Variants in COL21A1 observed in about 807,000 individuals in gnomAD.
The protein encoded by COL21A1 is collagen alpha-1(XXI) chain.
COL21A1 carries 149 observed loss-of-function variants against 137.9 expected under a neutral mutation model. That is an observed-to-expected ratio of 1.08 (90% CI 0.95 to 1.24). The LOEUF is 1.24. Among genes scored for constraint, COL21A1 ranks in the 50% most tolerant of loss-of-function variants. COL21A1 has a pLI of 0.00. For missense variants in COL21A1, 1,167 were observed against 1,158.4 expected, an observed-to-expected ratio of 1.01 and a Z score of -0.11; for synonymous variants, 456 against 391.5, an observed-to-expected ratio of 1.16 and a Z score of -1.95.
chr6:56,121,510 GTGTATATATATATACATATACATA>G (rs1772509980), intron 16 of COL21A1, among the ~76,000 whole-genome samples: 1 of 115,336 alleles, frequency 8.7e-6, no homozygotes, highest in Non-Finnish European at 1.8e-5. Context: ...ATATTCATAT[GTGTATATATATATACATATACATA>G]TATATGTATA....
chr6:56,276,061 C>T (rs2152333183), intron 1 of COL21A1, among the ~76,000 whole-genome samples: 1 of 152,220 alleles, frequency 6.6e-6, no homozygotes, highest in African/African-American at 2.4e-5. Flanking sequence ...GTGAAATGTC[C>T]TTTCCAGCAA....
intron 20 of COL21A1, 145 bp from the exon 21 acceptor site, chr6:56,070,943 A>G (rs1160489069): frequency 1.6e-6 from 1 of 634,872 alleles, no homozygotes. Context: ...CATTAGACCT[A>G]TGTATTAAGA....
intron 1 of COL21A1, among the ~76,000 whole-genome samples, chr6:56,217,548 C>T (rs908556847): frequency 6.6e-6 from 1 of 152,040 alleles, no homozygotes; most frequent in Admixed American, 6.6e-5. Flanking sequence ...AACCCAATTT[C>T]ATTGTTTAGC....
intron 10 of COL21A1, among the ~76,000 whole-genome samples, chr6:56,152,562 G>A (rs908073515): frequency 3.9e-5 from 6 of 152,108 alleles, no homozygotes; most frequent in African/African-American, 4.8e-5. Flanking sequence ...TGTACTAAAT[G>A]AGATGAGGCA....
chr6:56,156,926 G>T lies in COL21A1; in HGVS notation c.1395C>A (p.Asn465Lys). The T allele has an allele frequency of 1.2e-6, 2 of 1,612,092 alleles. No individual in the cohort carries two copies. The highest frequency in any genetic ancestry group is 1.7e-6 in the Non-Finnish European group (2 of 1,179,190). ...GPKGDPGLPG[N>K]PGYPGQPGQD... Reference sequence around the variant, plus strand: ...GACCAGGTTGTCCAGGGTAGCCAGGGTTCCCAGGCAGTCCAGGGTCACCCT... The same window carrying T: ...GACCAGGTTGTCCAGGGTAGCCAGGTTTCCCAGGCAGTCCAGGGTCACCCT... Residue 465 changes from asparagine (N) to lysine (K), a missense_variant, in exon 10 of 30, where the codon AAC becomes AAA. Asn to Lys is a moderately conservative substitution (Grantham distance 94, BLOSUM62 0). Coordinates refer to ENST00000244728, the MANE Select transcript of COL21A1 (RefSeq NM_030820.4).
In COL21A1 at chr6:56,179,618, T is replaced by G. The variant is rs550303110; in HGVS notation, c.600A>C (p.Ile200=). The part of the protein sequence containing the change: ...YVFYVEDYIA[I]SKIREVMKQK... The stretch of plus-strand genomic sequence containing the variant: ...GCTTCATCACTTCCCTTATTTTGGA[T>G]ATTGCAATATAGTCTTCCACATAAA... Residue 200 remains isoleucine, a synonymous_variant, in exon 3 of 30, where the codon ATA becomes ATC. Transcript: ENST00000244728. The G allele has an allele frequency of 6.2e-7, 1 of 1,613,526 alleles. No homozygotes were observed. The highest frequency in any genetic ancestry group is 1.1e-5 in the South Asian group (1 of 91,004).
At chr6:56,203,352 C>A (rs1779531777) in intron 1 of COL21A1, among the ~76,000 whole-genome samples, 2 of 151,982 alleles carry the variant, frequency 1.3e-5, no homozygotes, top group African/African-American at 2.4e-5. Flanking sequence ...ATGGCATAGA[C>A]AAAAGAGGAG....
chr6:56,153,630 G>A (rs2152253580), intron 10 of COL21A1, among the ~76,000 whole-genome samples: 1 of 151,184 alleles, frequency 6.6e-6, no homozygotes, highest in African/African-American at 2.4e-5. Context: ...TCAATCTGTT[G>A]TTTGTACTAC....
chr6:56,295,662 G>A (rs751804868), intron 1 of COL21A1, among the ~76,000 whole-genome samples: 75 of 151,746 alleles, frequency 4.9e-4, no homozygotes, highest in Non-Finnish European at 1.0e-3. Flanking sequence ...GACATATTCT[G>A]TAAAATTTAT....
intron 11 of COL21A1, 21 bp downstream of exon 11, chr6:56,141,909 G>T: frequency 6.4e-7 from 1 of 1,567,034 alleles, no homozygotes; most frequent in Non-Finnish European, 8.7e-7. Flanking sequence ...TTTATAAAAT[G>T]TATATAAGTG....
At chr6:56,347,488 C>T (rs1765620988) in intron 1 of COL21A1, among the ~76,000 whole-genome samples, 1 of 145,028 alleles carries the variant, frequency 6.9e-6, no homozygotes, top group African/African-American at 2.6e-5. Context: ...TCCTATTGGG[C>T]TGCACATTAG....
chr6:56,073,261 A>G (rs935213526), intron 20 of COL21A1, among the ~76,000 whole-genome samples: 1 of 151,500 alleles, frequency 6.6e-6, no homozygotes, highest in Admixed American at 6.6e-5. Flanking sequence ...AAGTTCAGTC[A>G]TTCCAGCAAG....
At chr6:56,336,055 G>T (rs1302574978) in intron 1 of COL21A1, among the ~76,000 whole-genome samples, 1 of 152,198 alleles carries the variant, frequency 6.6e-6, no homozygotes, top group African/African-American at 2.4e-5. Flanking sequence ...CAAAACACTT[G>T]CTGTGTGCTA....
intron 16 of COL21A1, among the ~76,000 whole-genome samples, chr6:56,112,680 C>CTTTTTTTTTTTTTTTTTTTTTTTTT (rs777172358): frequency 7.7e-6 from 1 of 129,678 alleles, no homozygotes. Flanking sequence ...TTTTTCTTTT[C>CTTTTTTTTTTTTTTTTTTTTTTTTT]TTTTTTCTTT....
chr6:56,201,261 TC>T (rs1387983730), intron 1 of COL21A1, among the ~76,000 whole-genome samples: 16 of 152,306 alleles, frequency 1.1e-4, no homozygotes, highest in Admixed American at 9.8e-4. Flanking sequence ...GGTTGCCTGT[TC>T]ACTCTGATGG....
At chr6:56,361,577 A>C (rs1374641197) in intron 1 of COL21A1, among the ~76,000 whole-genome samples, 1 of 152,226 alleles carries the variant, frequency 6.6e-6, no homozygotes, top group East Asian at 1.9e-4. Flanking sequence ...GAAGATAAAG[A>C]AGCTCCAAAT....
intron 5 of COL21A1, 135 bp downstream of exon 5, chr6:56,170,514 C>T: frequency 7.5e-6 from 5 of 665,892 alleles, no homozygotes; most frequent in Non-Finnish European, 1.2e-5. Context: ...TTCTTCAACA[C>T]AGAAACATTA....
At chr6:56,175,646 G>A (rs558841264) in intron 3 of COL21A1, among the ~76,000 whole-genome samples, 2 of 152,038 alleles carry the variant, frequency 1.3e-5, no homozygotes, top group Admixed American at 1.3e-4. Context: ...AGGAATAAAT[G>A]GAAATATATC....
chr6:56,378,041 C>T (rs1283122002), intron 1 of COL21A1, among the ~76,000 whole-genome samples: 2 of 152,080 alleles, frequency 1.3e-5, no homozygotes, highest in Non-Finnish European at 2.9e-5. Flanking sequence ...AACTAAAGAG[C>T]CCTTGGGCCC....
Sources: gnomAD v4.1 joint callset for allele counts (sites outside exome capture counted in the v4.1 genomes callset) on GRCh38, gnomAD v4.1.1 for gene constraint, MANE v1.5 for transcripts, NCBI Gene and HGNC (gene_info 2026-07-23, HGNC 2026-07-21) for gene names.